Variants in SCOC observed in about 807,000 individuals in gnomAD.
SCOC encodes short coiled coil protein.
Under a neutral mutation model 9.9 loss-of-function variants are expected in SCOC, and 7 were observed. The ratio of observed to expected loss-of-function variants is 0.71; its 90% CI spans 0.40 to 1.33. The LOEUF (loss-of-function observed/expected upper bound fraction) is 1.33, where lower values mean the gene tolerates loss of function less well. Among genes scored for constraint, SCOC ranks in the 40% most tolerant of loss-of-function variants. SCOC has a pLI of 0.01. For missense variants in SCOC, 66 were observed against 89.7 expected (o/e 0.74, Z 1.07); for synonymous variants, 19 against 28.2 (o/e 0.67, Z 1.03).
chr4:140,345,778 A>T (rs1470350551), intron 2 of SCOC, among the ~76,000 whole-genome samples: 1 of 152,198 alleles, frequency 6.6e-6, no homozygotes, highest in African/African-American at 2.4e-5. Context: ...AGGCCCAGAG[A>T]GTCTAAATGC....
At chr4:140,330,468 T>C in intron 1 of SCOC, among the ~76,000 whole-genome samples, 1 of 152,192 alleles carries the variant, frequency 6.6e-6, no homozygotes, top group South Asian at 2.1e-4. Context: ...AGCTTTTTGT[T>C]AAAGAGCACT....
At chr4:140,342,342 T>G (rs1423601220), upstream of SCOC, among the ~76,000 whole-genome samples, 1 of 150,400 alleles carries the variant, frequency 6.6e-6, no homozygotes, top group African/African-American at 2.4e-5. Flanking sequence ...GCTGCATATA[T>G]TTTTTTCCCT....
chr4:140,313,483 C>G (rs1172318685), intron 1 of SCOC, among the ~76,000 whole-genome samples: 1 of 152,172 alleles, frequency 6.6e-6, no homozygotes, highest in Non-Finnish European at 1.5e-5. Flanking sequence ...AACTCCTGAC[C>G]TCAGGTGATG....
intron 1 of SCOC, among the ~76,000 whole-genome samples, chr4:140,324,352 C>A (rs1270136363): frequency 6.6e-6 from 1 of 152,064 alleles, no homozygotes; most frequent in Non-Finnish European, 1.5e-5. Flanking sequence ...AAGTCATAGC[C>A]AGTGAAATAA....
chr4:140,353,309 A>T (rs1215150898), intron 2 of SCOC, among the ~76,000 whole-genome samples: 1 of 152,200 alleles, frequency 6.6e-6, no homozygotes, highest in Non-Finnish European at 1.5e-5. Context: ...CTGAAACAAT[A>T]TATCCACCAA....
intron 1 of SCOC, among the ~76,000 whole-genome samples, chr4:140,271,960 G>T (rs1387665048): frequency 1.3e-5 from 2 of 152,062 alleles, no homozygotes; most frequent in South Asian, 2.1e-4. Context: ...ATTCCAGGAG[G>T]CACCCACAGA....
Position 140,362,171 on chromosome 4 carries a change from T to G in SCOC, c.71-16950T>G, listed in dbSNP as rs184090499. Among the ~76,000 whole-genome samples, 33 of 151,704 alleles carry G rather than the reference T, an allele frequency of 2.2e-4. No homozygotes were observed. In the East Asian group the frequency reaches 5.1e-3, roughly 23 times the overall value. ...CCATATCTTTGCTTCACACTGGGCA[T>G]GATTTGCTTCACTGCGATGAGTGTT... On this transcript the variant is annotated intron_variant, in intron 2 of 4. Coordinates refer to the SCOC transcript ENST00000338517.
At chr4:140,293,228 C>T (rs141968748) in intron 1 of SCOC, 2 of 441,950 alleles carry the variant, frequency 4.5e-6, no homozygotes, top group South Asian at 1.6e-5. Flanking sequence ...TGGGCTGCCA[C>T]TAGGTGCCAG....
chr4:140,303,354 C>T (rs1404486740), intron 1 of SCOC, among the ~76,000 whole-genome samples: 1 of 152,188 alleles, frequency 6.6e-6, no homozygotes, highest in Non-Finnish European at 1.5e-5. Flanking sequence ...AAGACAACCC[C>T]ATCAATTCAA....
intron 2 of SCOC, among the ~76,000 whole-genome samples, chr4:140,355,226 T>TGATATATATATATG (rs9308116): frequency 8.2e-6 from 1 of 122,124 alleles, no homozygotes; most frequent in Admixed American, 8.0e-5. Context: ...TATATATATA[T>TGATATATATATATG]ATATATATAT....
rs149285129 is a variant in SCOC at position 140,272,707 on chromosome 4, T to A, written c.-19+15297T>A. Among the ~76,000 whole-genome samples, 148 of 151,822 alleles carry A rather than the reference T, an allele frequency of 9.7e-4. 1 individual carries two copies. The highest frequency in any genetic ancestry group is 3.4e-3 in the Middle Eastern group (1 of 294). ...GTGCAGGGGAGGGGAAGAAATTAAG[T>A]CAAAAAGATGTGTCAACAAGAAGAA... On this transcript the variant is annotated intron_variant, in intron 1 of 4. Transcript: ENST00000394205.
chr4:140,361,644 G>A (rs1226459690), intron 2 of SCOC, among the ~76,000 whole-genome samples: 2 of 152,100 alleles, frequency 1.3e-5, no homozygotes, highest in Non-Finnish European at 2.9e-5. Flanking sequence ...TGGTGACAAA[G>A]TGAGATCCTC....
At chr4:140,294,068 T>C (rs1731553525) in intron 1 of SCOC, among the ~76,000 whole-genome samples, 1 of 152,154 alleles carries the variant, frequency 6.6e-6, no homozygotes, top group African/African-American at 2.4e-5. Flanking sequence ...ACAGAGACAC[T>C]TGTAACCAGG....
At chr4:140,359,955 TAG>T (rs945203156) in intron 2 of SCOC, among the ~76,000 whole-genome samples, 27 of 152,332 alleles carry the variant, frequency 1.8e-4, no homozygotes, top group African/African-American at 6.3e-4. Flanking sequence ...GGCAGTGTGC[TAG>T]AGTCAGAAGA....
At chr4:140,300,987 G>A (rs1295162148) in intron 1 of SCOC, among the ~76,000 whole-genome samples, 1 of 152,130 alleles carries the variant, frequency 6.6e-6, no homozygotes, top group Non-Finnish European at 1.5e-5. Context: ...TTCTTAACAT[G>A]CCTCAAAAAA....
At chr4:140,347,431 C>CTACT (rs1726786975) in intron 2 of SCOC, among the ~76,000 whole-genome samples, 2 of 152,178 alleles carry the variant, frequency 1.3e-5, no homozygotes, top group Non-Finnish European at 2.9e-5. Flanking sequence ...GCATTGATCT[C>CTACT]TCCTTCCTTC....
rs534645111 is a variant in SCOC, at chr4:140,276,800, C to T, written c.-19+19390C>T. On this transcript the variant is annotated intron_variant, in intron 1 of 4. Coordinates refer to the SCOC transcript ENST00000394205. ...CAAAAAAAAAACCATGTCTGGGAGT[C>T]CCCTTAGTCCCAGGCAAACTGGGAC... is the stretch of plus-strand genomic sequence containing the variant. 5.3e-5 allele frequency among the ~76,000 whole-genome samples: 8 copies of T among 152,210 alleles called. No homozygotes were observed. In the South Asian group the frequency reaches 1.5e-3, roughly 28 times the overall value.
At chr4:140,368,603 T>A (rs1053426659) in intron 2 of SCOC, among the ~76,000 whole-genome samples, 2 of 152,156 alleles carry the variant, frequency 1.3e-5, no homozygotes, top group African/African-American at 4.8e-5. Flanking sequence ...ACAGAAACAG[T>A]CTCTGGTCTG....
chr4:140,379,774 A>G lies in SCOC; in HGVS notation c.106+122A>G, dbSNP rs569319351. The G allele has an allele frequency of 8.8e-5, 57 of 646,366 alleles. No individual in the cohort carries two copies. In the African/African-American group the frequency reaches 9.8e-4, roughly 11 times the overall value. The allele number at this position is 646,366 out of a possible 1,614,324, so 40.0% of individuals were successfully genotyped here. ...TTTAAAAGAATGAACTTCAAAGTACACACATATATATATCTATCTTCCTGC... is the reference window on the plus strand; with the variant it reads ...TTTAAAAGAATGAACTTCAAAGTACGCACATATATATATCTATCTTCCTGC... On this transcript the variant is annotated intron_variant, in intron 3 of 3. Coordinates refer to ENST00000608372, the MANE Select transcript of SCOC (RefSeq NM_001153484.2).
Sources: gnomAD v4.1 joint callset for allele counts (sites outside exome capture counted in the v4.1 genomes callset) on GRCh38, gnomAD v4.1.1 for gene constraint, MANE v1.5 for transcripts, NCBI Gene and HGNC (gene_info 2026-07-23, HGNC 2026-07-21) for gene names.